OIT3: variants seen among roughly 807,000 people sequenced by gnomAD.
OIT3 encodes the protein oncoprotein-induced transcript 3 protein.
A neutral mutation model predicts 52.2 loss-of-function variants in OIT3; 41 were observed. That is an observed-to-expected ratio of 0.79 (90% CI 0.61 to 1.02). The LOEUF (loss-of-function observed/expected upper bound fraction) is 1.02. OIT3 is among the 50% of genes least tolerant of loss of function. The probability of loss-of-function intolerance (pLI) is 0.00; values close to 1 mark genes in which losing one functional copy is unlikely to be tolerated. For synonymous variants in OIT3, 244 were observed against 276.9 expected (o/e 0.88, Z 1.18); for missense variants, 634 against 715.5 (o/e 0.89, Z 1.30).
intron 1 of OIT3, among the ~76,000 whole-genome samples, chr10:72,894,171 A>G (rs1297815941): frequency 2.6e-5 from 4 of 151,638 alleles, no homozygotes; most frequent in East Asian, 2.0e-4. Flanking sequence ...TATAGTTCCA[A>G]CTTGAAGAGC....
chr10:72,921,342 C>G (rs1846119636), intron 6 of OIT3, among the ~76,000 whole-genome samples: 1 of 152,220 alleles, frequency 6.6e-6, no homozygotes, highest in Admixed American at 6.5e-5. Context: ...CTCTTGAAGA[C>G]AGCATACCAA....
chr10:72,913,694 A>G lies in OIT3; in HGVS notation c.951+226A>G, dbSNP rs1589525764. The G allele has an allele frequency of 7.8e-6, 5 of 641,590 alleles. No individual in the cohort carries two copies. The East Asian group carries it at 1.3e-4, about 16-fold the overall frequency. 39.7% of individuals were successfully genotyped at this position (641,590 alleles called of 1,614,324 possible). A position where few individuals can be genotyped will look rare whatever the true frequency, so the allele number is the denominator to read the frequency against. ...GCTATTCCTGTTTTCAAATAGTCCCATCTCTCCAGCATGCACAGACATTTT... is the reference window on the plus strand; with the variant it reads ...GCTATTCCTGTTTTCAAATAGTCCCGTCTCTCCAGCATGCACAGACATTTT... On this transcript the variant is annotated intron_variant, in intron 6 of 8. Transcript: ENST00000334011.
chr10:72,906,754 C>T (rs1165275052), intron 4 of OIT3, 36 bp downstream of exon 4: 2 of 1,517,536 alleles, frequency 1.3e-6, no homozygotes, highest in Non-Finnish European at 1.8e-6. Flanking sequence ...AATCAAGAGC[C>T]CAGAGGAAGC....
At chr10:72,916,007 T>G (rs1046961394) in intron 6 of OIT3, among the ~76,000 whole-genome samples, 1 of 152,112 alleles carries the variant, frequency 6.6e-6, no homozygotes, top group African/African-American at 2.4e-5. Flanking sequence ...GAGATGAGTT[T>G]GAGTGAGGCA....
At chr10:72,916,965 A>G (rs900883347) in intron 6 of OIT3, among the ~76,000 whole-genome samples, 3 of 151,976 alleles carry the variant, frequency 2.0e-5, no homozygotes, top group Non-Finnish European at 4.4e-5. Context: ...TGTTGGCCAC[A>G]TGTATGTCTT....
chr10:72,897,047 G>A (rs11000439), intron 1 of OIT3, among the ~76,000 whole-genome samples: 3,903 of 152,114 alleles, frequency 0.026, 62 homozygotes, highest in Non-Finnish European at 0.04. Flanking sequence ...TTTATGAGAC[G>A]AAGTTTCACT....
intron 6 of OIT3, among the ~76,000 whole-genome samples, chr10:72,921,675 CTT>C (rs34710217): frequency 6.5e-4 from 86 of 133,304 alleles, no homozygotes; most frequent in African/African-American, 1.7e-3. Flanking sequence ...TTCTTTCTTT[CTT>C]TTTTTTTTTT....
chr10:72,932,596 A>G lies in OIT3; in HGVS notation c.*72A>G. The G allele has an allele frequency of 7.2e-7, 1 of 1,385,824 alleles. No homozygotes were observed. The allele number at this position is 1,385,824 out of a possible 1,614,324, so 85.8% of individuals were successfully genotyped here. ...GGAGCTTCTCCCCCCACCGCCCTCT[A>G]AGAACATCTGCCAACAGCTGGGTTC... On this transcript the variant is annotated 3_prime_UTR_variant, in exon 9 of 9. Transcript: ENST00000334011.
Position 72,919,504 on chromosome 10 carries a change from G to C in OIT3, c.952-4725G>C, listed in dbSNP as rs186697887. 2.0e-5 allele frequency among the ~76,000 whole-genome samples: 3 copies of C among 152,308 alleles called. No homozygotes were observed. The East Asian group carries it at 5.8e-4, about 29-fold the overall frequency. On this transcript the variant is annotated intron_variant, in intron 6 of 8. Coordinates refer to ENST00000334011, the MANE Select transcript of OIT3 (RefSeq NM_152635.3). ...ACTATATTGAATAGGAGTGGTGAGAGAGTGCATCTTTGTCTTGTGCTTGTT... is the reference window on the plus strand; with the variant it reads ...ACTATATTGAATAGGAGTGGTGAGACAGTGCATCTTTGTCTTGTGCTTGTT...
intron 3 of OIT3, among the ~76,000 whole-genome samples, chr10:72,901,908 G>A (rs1199047308): frequency 6.6e-6 from 1 of 152,050 alleles, no homozygotes; most frequent in Non-Finnish European, 1.5e-5. Context: ...CAGACATGGT[G>A]GCAGCCTTCC....
chr10:72,906,756 A>G (rs1845983342), intron 4 of OIT3, 38 bp downstream of exon 4: 2 of 1,519,898 alleles, frequency 1.3e-6, no homozygotes, highest in East Asian at 4.7e-5. Context: ...TCAAGAGCCC[A>G]GAGGAAGCCA....
chr10:72,928,977 C>T (rs1257830013), intron 7 of OIT3, among the ~76,000 whole-genome samples: 2 of 151,972 alleles, frequency 1.3e-5, no homozygotes, highest in African/African-American at 2.4e-5. Context: ...GAGGCCGAGG[C>T]GGAAGGATCG....
intron 7 of OIT3, among the ~76,000 whole-genome samples, chr10:72,927,485 T>C (rs949133520): frequency 1.1e-4 from 17 of 152,232 alleles, no homozygotes; most frequent in African/African-American, 3.9e-4. Flanking sequence ...GCGCTATTTA[T>C]TTTGCCAGTG....
intron 5 of OIT3, 141 bp downstream of exon 5, chr10:72,911,980 T>C (rs1485940167): frequency 7.8e-6 from 5 of 639,014 alleles, no homozygotes; most frequent in Admixed American, 3.2e-5. Context: ...TATTGCTGAA[T>C]CATCACTCTG....
chr10:72,924,711 C>T (rs1846154176), intron 7 of OIT3, 67 bp downstream of exon 7: 1 of 1,273,582 alleles, frequency 7.9e-7, no homozygotes. Context: ...TCACAGCACA[C>T]CCAGTCATTT....
intron 6 of OIT3, among the ~76,000 whole-genome samples, chr10:72,914,096 T>A (rs1453198895): frequency 6.6e-6 from 1 of 152,138 alleles, no homozygotes; most frequent in Non-Finnish European, 1.5e-5. Context: ...GAAGTGTGTG[T>A]GTGGTTTACA....
At chr10:72,895,694 C>T (rs982499252) in intron 1 of OIT3, among the ~76,000 whole-genome samples, 5 of 152,172 alleles carry the variant, frequency 3.3e-5, no homozygotes, top group African/African-American at 1.2e-4. Flanking sequence ...AACCCTGGGG[C>T]GAAAGGGTGG....
chr10:72,918,259 CA>C (rs1846091001), intron 6 of OIT3: 1 of 803,154 alleles, frequency 1.2e-6, no homozygotes, highest in Non-Finnish European at 2.2e-6. Flanking sequence ...GGTGTTATTT[CA>C]AAGCCCCCAA....
intron 4 of OIT3, among the ~76,000 whole-genome samples, chr10:72,909,133 T>TTA (rs1441784231): frequency 6.7e-6 from 1 of 150,210 alleles, no homozygotes; most frequent in Non-Finnish European, 1.5e-5. Flanking sequence ...TTTTTTTTTT[T>TTA]TTTTGAGATA....
Sources: gnomAD v4.1 joint callset for allele counts (sites outside exome capture counted in the v4.1 genomes callset) on GRCh38, gnomAD v4.1.1 for gene constraint, MANE v1.5 for transcripts, NCBI Gene and HGNC (gene_info 2026-07-23, HGNC 2026-07-21) for gene names.